SGIP1: variants seen among roughly 807,000 people sequenced by gnomAD.
The protein encoded by SGIP1 is SH3GL interacting endocytic adaptor 1.
SGIP1 carries 38 observed loss-of-function variants against 107.5 expected under a neutral mutation model. That is an observed-to-expected ratio of 0.35 (90% CI 0.27 to 0.46). The LOEUF (loss-of-function observed/expected upper bound fraction) is 0.46, where lower values mean the gene tolerates loss of function less well. SGIP1 is among the 20% of genes least tolerant of loss of function. The pLI, the probability that SGIP1 is intolerant of heterozygous loss-of-function variation, is 1.00. For missense variants in SGIP1, 929 were observed against 1,019.5 expected (o/e 0.91, Z 1.21); for synonymous variants, 365 against 366.1 (o/e 1.00, Z 0.03).
intron 18 of SGIP1, among the ~76,000 whole-genome samples, chr1:66,707,650 A>G (rs1231526281): frequency 6.6e-6 from 1 of 152,166 alleles, no homozygotes; most frequent in Non-Finnish European, 1.5e-5. Flanking sequence ...TGTATCTTAG[A>G]TTCCAAAGAA....
chr1:66,731,886 C>A (rs1456362139), intron 20 of SGIP1, among the ~76,000 whole-genome samples: 2 of 152,088 alleles, frequency 1.3e-5, no homozygotes, highest in Admixed American at 1.3e-4. Context: ...CTACTTTTTT[C>A]TTGTGAAAAA....
chr1:66,564,357 C>A (rs961633032), intron 1 of SGIP1, among the ~76,000 whole-genome samples: 1 of 151,888 alleles, frequency 6.6e-6, no homozygotes, highest in Non-Finnish European at 1.5e-5. Context: ...TATGCCTCAT[C>A]TGGAACTAAG....
intron 1 of SGIP1, among the ~76,000 whole-genome samples, chr1:66,596,780 A>C (rs2064800299): frequency 6.6e-6 from 1 of 151,980 alleles, no homozygotes; most frequent in Non-Finnish European, 1.5e-5. Context: ...TGTGGGGTCT[A>C]TTATTTCTTA....
intron 18 of SGIP1, among the ~76,000 whole-genome samples, chr1:66,718,285 A>T (rs771390139): frequency 2.6e-5 from 4 of 152,064 alleles, no homozygotes; most frequent in Non-Finnish European, 5.9e-5. Context: ...TATTACCAAA[A>T]CTTCACTGTT....
chr1:66,541,261 A>G (rs895236078), intron 1 of SGIP1, among the ~76,000 whole-genome samples: 1 of 152,250 alleles, frequency 6.6e-6, no homozygotes, highest in African/African-American at 2.4e-5. Context: ...AGTGAACAAA[A>G]CAGATTAAAA....
In SGIP1 at chr1:66,737,774, G is replaced by GT. The variant is rs201735341; in HGVS notation, c.2032-1559dup. Among the ~76,000 whole-genome samples, 889 of 152,250 alleles carry GT rather than the reference G, an allele frequency of 5.8e-3. 8 individuals are homozygous for GT. Among genetic ancestry groups the GT allele is most frequent in the African/African-American group, 0.02 (821 of 41,534 alleles). Reference sequence around the variant, plus strand: ...TAGACTTGCTGTTTTATTTTAACGTGTTCTCTGAGGAATCCCTTTTGCTGT... The same window carrying GT: ...TAGACTTGCTGTTTTATTTTAACGTGTTTCTCTGAGGAATCCCTTTTGCTGT... On this transcript the variant is annotated intron_variant, in intron 21 of 24. Coordinates refer to ENST00000371037, the MANE Select transcript of SGIP1 (RefSeq NM_032291.4).
chr1:66,719,395 G>A lies in SGIP1; in HGVS notation c.1732G>A (p.Asp578Asn), dbSNP rs1204314513. Residue 578 changes from aspartate to asparagine, a missense_variant, in exon 19 of 25, where the codon GAC becomes AAC. By Grantham distance (23) the Asp-to-Asn change is conservative. Coordinates refer to ENST00000371037, the MANE Select transcript of SGIP1 (RefSeq NM_032291.4). The stretch of plus-strand genomic sequence containing the variant: ...AGTCAATGCCTATTTCAAAGGAGCA[G>A]ACCCAAGCAAGTAAGCCTGATACTT... ...ETVNAYFKGADPSKCIVKITG... is the reference protein window; with the variant it reads ...ETVNAYFKGANPSKCIVKITG... 2 of 1,612,896 alleles carry A rather than the reference G, an allele frequency of 1.2e-6. No homozygotes were observed. The highest frequency in any genetic ancestry group is 1.7e-5 in the Admixed American group (1 of 59,944).
At chr1:66,654,585 GT>G (rs1430334767) in intron 7 of SGIP1, among the ~76,000 whole-genome samples, 1 of 152,024 alleles carries the variant, frequency 6.6e-6, no homozygotes, top group African/African-American at 2.4e-5. Context: ...AGGAGATTTT[GT>G]TTTAGTGGCA....
intron 24 of SGIP1, 53 bp downstream of exon 24, chr1:66,741,489 C>A (rs1007859965): frequency 1.3e-6 from 2 of 1,489,006 alleles, no homozygotes; most frequent in Non-Finnish European, 1.8e-6. Context: ...GCCTTGGCTA[C>A]TCTTAAGAGG....
At chr1:66,661,864 T>TC (rs1197496218) in intron 8 of SGIP1, among the ~76,000 whole-genome samples, 2 of 151,982 alleles carry the variant, frequency 1.3e-5, no homozygotes, top group East Asian at 1.9e-4. Context: ...TACAAGAATA[T>TC]CCCCCCCATC....
At chr1:66,708,029 C>A (rs1201620332) in intron 18 of SGIP1, among the ~76,000 whole-genome samples, 2 of 152,098 alleles carry the variant, frequency 1.3e-5, no homozygotes, top group South Asian at 2.1e-4. Flanking sequence ...GCATGCCATG[C>A]CTGCAGCTAG....
At chr1:66,652,680 G>A (rs1557460461) in intron 7 of SGIP1, among the ~76,000 whole-genome samples, 1 of 150,410 alleles carries the variant, frequency 6.6e-6, no homozygotes, top group Non-Finnish European at 1.5e-5. Flanking sequence ...TGAATTTGCC[G>A]CTGCTTGGTA....
intron 17 of SGIP1, among the ~76,000 whole-genome samples, chr1:66,693,422 A>G (rs1292701849): frequency 5.3e-5 from 8 of 152,192 alleles, no homozygotes; most frequent in Admixed American, 5.2e-4. Flanking sequence ...TGACATTTCA[A>G]GATACAGAGA....
chr1:66,620,688 T>C (rs1284021662), intron 1 of SGIP1, among the ~76,000 whole-genome samples: 1 of 152,226 alleles, frequency 6.6e-6, no homozygotes, highest in African/African-American at 2.4e-5. Flanking sequence ...ATGTGGGGAT[T>C]ACAATTCCAG....
chr1:66,737,325 T>C (rs2150707407), intron 21 of SGIP1, among the ~76,000 whole-genome samples: 1 of 152,326 alleles, frequency 6.6e-6, no homozygotes, highest in Non-Finnish European at 1.5e-5. Flanking sequence ...TTTTTTCATT[T>C]CCGTATTTGT....
At chr1:66,587,647 T>C (rs2062844494) in intron 1 of SGIP1, among the ~76,000 whole-genome samples, 1 of 152,156 alleles carries the variant, frequency 6.6e-6, no homozygotes, top group Non-Finnish European at 1.5e-5. Flanking sequence ...CCAGTGCTTA[T>C]GTGAACATTC....
intron 1 of SGIP1, among the ~76,000 whole-genome samples, chr1:66,571,604 G>A (rs894515823): frequency 6.6e-6 from 1 of 151,842 alleles, no homozygotes; most frequent in African/African-American, 2.4e-5. Context: ...CTTCATGTTT[G>A]TTTAAAGAGT....
intron 17 of SGIP1, chr1:66,695,207 A>G: frequency 1.2e-6 from 1 of 837,672 alleles, no homozygotes; most frequent in South Asian, 2.5e-5. Context: ...ACACATTCCC[A>G]TTCCTTTAGG....
At chr1:66,625,712 C>A in intron 1 of SGIP1, 135 bp from the exon 2 acceptor site, 1 of 656,592 alleles carries the variant, frequency 1.5e-6, no homozygotes, top group Non-Finnish European at 2.6e-6. Flanking sequence ...TGCAGACACA[C>A]ATACCTTTAC....
Sources: allele counts gnomAD v4.1 joint callset (sites outside exome capture counted in the v4.1 genomes callset), GRCh38; gene constraint gnomAD v4.1.1; transcripts MANE v1.5; gene names NCBI Gene and HGNC (gene_info 2026-07-23, HGNC 2026-07-21).